Variants in PHF21A observed in about 807,000 individuals in gnomAD.
The protein encoded by PHF21A is BHC80a.
Under a neutral mutation model 82.5 loss-of-function variants are expected in PHF21A, and 11 were observed. The ratio of observed to expected loss-of-function variants is 0.13; its 90% confidence interval spans 0.08 to 0.22. The LOEUF (loss-of-function observed/expected upper bound fraction) is 0.22, where lower values mean the gene tolerates loss of function less well. PHF21A is among the 10% of genes least tolerant of loss of function. The probability of loss-of-function intolerance (pLI) is 1.00; values close to 1 mark genes in which losing one functional copy is unlikely to be tolerated. For missense variants in PHF21A, 579 were observed against 837.8 expected (o/e 0.69, Z 3.81); for synonymous variants, 297 against 302.8 (o/e 0.98, Z 0.20).
At chr11:45,975,645 T>C (rs2093989317) in intron 7 of PHF21A, among the ~76,000 whole-genome samples, 1 of 152,220 alleles carries the variant, frequency 6.6e-6, no homozygotes, top group Non-Finnish European at 1.5e-5. Flanking sequence ...GCTGTGAATA[T>C]AGGTTGGAGA....
intron 9 of PHF21A, 92 bp downstream of exon 9, chr11:45,969,723 C>T: frequency 1.2e-6 from 1 of 803,696 alleles, no homozygotes; most frequent in South Asian, 1.5e-5. Flanking sequence ...GACAGCTGGG[C>T]TGACAAGCCC....
intron 1 of PHF21A, chr11:46,118,073 A>C (rs1455858615): frequency 6.6e-6 from 1 of 152,162 alleles, no homozygotes; most frequent in Non-Finnish European, 1.5e-5. Context: ...ATCTTCATGT[A>C]AGCAGAAGAA....
At chr11:45,947,883 T>C (rs2091523867) in intron 14 of PHF21A, among the ~76,000 whole-genome samples, 3 of 152,198 alleles carry the variant, frequency 2.0e-5, no homozygotes, top group South Asian at 4.1e-4. Flanking sequence ...TATTTTTGAG[T>C]ACTTGAAGGA....
At chr11:45,948,786 A>G in intron 14 of PHF21A, 100 bp downstream of exon 14, 1 of 825,992 alleles carries the variant, frequency 1.2e-6, no homozygotes, top group African/African-American at 1.7e-5. Context: ...CAAAGGATAG[A>G]GGAGTTAGGT....
intron 6 of PHF21A, among the ~76,000 whole-genome samples, chr11:46,067,794 G>T (rs2096611758): frequency 6.6e-6 from 1 of 152,258 alleles, no homozygotes; most frequent in East Asian, 1.9e-4. Flanking sequence ...GTCCTTGCCT[G>T]TGAGGATCTT....
Position 45,986,903 on chromosome 11 carries a change from T to A in PHF21A, c.154-6937A>T, listed in dbSNP as rs190487872. Among the ~76,000 whole-genome samples, 292 of 152,334 alleles carry A rather than the reference T, an allele frequency of 1.9e-3. 1 individual carries two copies. Among genetic ancestry groups the A allele is most frequent in the Non-Finnish European group, 2.1e-3 (144 of 68,034 alleles). On this transcript the variant is annotated intron_variant, in intron 6 of 18. Transcript: ENST00000676320. ...AATCTATGTTTGGCTATTTTTTTTTTAATGACAACTGCCAAAAAGAAAGTA... is the reference window on the plus strand; with the variant it reads ...AATCTATGTTTGGCTATTTTTTTTTAAATGACAACTGCCAAAAAGAAAGTA...
At chr11:45,975,337 T>TAAAAC (rs2093973108) in intron 7 of PHF21A, among the ~76,000 whole-genome samples, 3 of 97,888 alleles carry the variant, frequency 3.1e-5, no homozygotes, top group Non-Finnish European at 5.7e-5. Context: ...TAAAATAAAA[T>TAAAAC]AAAATAAAAT....
intron 10 of PHF21A, among the ~76,000 whole-genome samples, chr11:45,959,304 C>T (rs765413910): frequency 3.3e-5 from 5 of 152,126 alleles, no homozygotes; most frequent in Non-Finnish European, 5.9e-5. Flanking sequence ...GTATATCAAA[C>T]CATCATGTTG....
chr11:46,051,725 T>C (rs1166266315), intron 6 of PHF21A, among the ~76,000 whole-genome samples: 6 of 152,182 alleles, frequency 3.9e-5, no homozygotes, highest in African/African-American at 1.4e-4. Context: ...CACTGGTCTC[T>C]GCTACCACGA....
Position 45,934,186 on chromosome 11 carries a change from T to C in PHF21A, c.1828A>G (p.Lys610Glu), listed in dbSNP as rs1228096340. 1.2e-6 allele frequency: 2 copies of C among 1,614,034 alleles called. No homozygotes were observed. Residue 610 changes from lysine to glutamate, a missense_variant, in exon 19 of 19, where the codon AAG (lysine) becomes GAG (glutamate). Physicochemically the swap from Lys to Glu is moderately conservative, Grantham distance 56. Transcript: ENST00000676320. ...EMKNTILARQ[K>E]EMHSSLEKVK... ...TTCTCCAGGGAGCTGTGCATCTCCT[T>C]CTGCCGGGCCAGGATGGTGTTCTTC...
chr11:45,999,773 A>G (rs1315966770), intron 6 of PHF21A, among the ~76,000 whole-genome samples: 3 of 152,224 alleles, frequency 2.0e-5, no homozygotes, highest in Non-Finnish European at 4.4e-5. Flanking sequence ...TGATACCTAC[A>G]TGAGAATTTA....
intron 10 of PHF21A, among the ~76,000 whole-genome samples, chr11:45,958,449 T>TATATAAACACAC (rs780397923): frequency 6.6e-5 from 1 of 15,058 alleles, no homozygotes; most frequent in Non-Finnish European, 1.3e-4. Context: ...TATATATATA[T>TATATAAACACAC]ACACACACAC....
intron 6 of PHF21A, among the ~76,000 whole-genome samples, chr11:46,009,131 T>A (rs1038413913): frequency 2.6e-5 from 4 of 151,932 alleles, no homozygotes; most frequent in Non-Finnish European, 5.9e-5. Context: ...TGCATCACCA[T>A]GCCCAGCTAA....
intron 6 of PHF21A, among the ~76,000 whole-genome samples, chr11:46,044,231 T>C (rs189676511): frequency 3.9e-5 from 6 of 152,228 alleles, no homozygotes; most frequent in Admixed American, 3.9e-4. Flanking sequence ...AGCTGTCCTA[T>C]AGTACAGCTA....
intron 7 of PHF21A, among the ~76,000 whole-genome samples, chr11:45,976,528 T>C (rs755441106): frequency 1.3e-5 from 2 of 152,160 alleles, no homozygotes; most frequent in Non-Finnish European, 2.9e-5. Flanking sequence ...ATCTACCACA[T>C]AGATTGGTAG....
At chr11:46,042,754 A>T (rs562636880) in intron 6 of PHF21A, among the ~76,000 whole-genome samples, 1 of 152,152 alleles carries the variant, frequency 6.6e-6, no homozygotes, top group Admixed American at 6.5e-5. Context: ...GAGGCCTATG[A>T]AAGCTTGTTT....
At chr11:46,058,917 T>C (rs937841541) in intron 6 of PHF21A, among the ~76,000 whole-genome samples, 6 of 152,216 alleles carry the variant, frequency 3.9e-5, no homozygotes, top group Non-Finnish European at 7.4e-5. Flanking sequence ...AGTCAATCTC[T>C]AGACAGCAGA....
intron 13 of PHF21A, 23 bp from the exon 14 acceptor site, chr11:45,948,969 G>C (rs1332543497): frequency 6.2e-7 from 1 of 1,600,668 alleles, no homozygotes; most frequent in Non-Finnish European, 8.6e-7. Context: ...AAGGAGGAAA[G>C]GTGACTGTTG....
chr11:46,052,381 T>C (rs902458405), intron 6 of PHF21A, among the ~76,000 whole-genome samples: 4 of 152,186 alleles, frequency 2.6e-5, no homozygotes, highest in African/African-American at 9.7e-5. Context: ...TACTTATATA[T>C]ACCAATAAAT....
Sources: allele counts gnomAD v4.1 joint callset (sites outside exome capture counted in the v4.1 genomes callset), GRCh38; gene constraint gnomAD v4.1.1; transcripts MANE v1.5; gene names NCBI Gene and HGNC (gene_info 2026-07-23, HGNC 2026-07-21).